CHCHD3: variants seen among roughly 807,000 people sequenced by gnomAD.
CHCHD3 encodes the protein coiled-coil-helix-coiled-coil-helix domain containing 3.
In CHCHD3, 20 loss-of-function variants were observed where a neutral mutation model predicts 38.2. The ratio of observed to expected loss-of-function variants is 0.52; its 90% CI spans 0.37 to 0.76. The LOEUF is 0.76. Ranked by LOEUF, CHCHD3 falls within the 30% of genes least tolerant of loss-of-function variation. The pLI, the probability that CHCHD3 is intolerant of heterozygous loss-of-function variation, is 0.00. For missense variants in CHCHD3, 245 were observed against 279.2 expected, an observed-to-expected ratio of 0.88 and a Z score of 0.87; for synonymous variants, 82 against 100.0, an observed-to-expected ratio of 0.82 and a Z score of 1.07.
Position 132,862,317 on chromosome 7 carries a change from G to A in CHCHD3, c.453+23345C>T, listed in dbSNP as rs555917455. Among the ~76,000 whole-genome samples the A allele has an allele frequency of 2.0e-5, 3 of 152,292 alleles. No homozygotes were observed. The South Asian group carries it at 6.2e-4, about 32-fold the overall frequency. On this transcript the variant is annotated intron_variant, in intron 5 of 7. Coordinates refer to ENST00000262570, the MANE Select transcript of CHCHD3 (RefSeq NM_017812.4). ...AATACAGGCATACTTTGGAGATACT[G>A]CAGGTTTGGTTTCACACTATCACAA...
At chr7:132,790,110 TCCCCTGCAG>T (rs969349828) in intron 7 of CHCHD3, among the ~76,000 whole-genome samples, 1 of 152,238 alleles carries the variant, frequency 6.6e-6, no homozygotes, top group Non-Finnish European at 1.5e-5. Context: ...ATGTGTCTAT[TCCCCTGCAG>T]CAAGAGCTGT....
intron 3 of CHCHD3, among the ~76,000 whole-genome samples, chr7:132,989,391 G>T (rs1812209856): frequency 7.0e-6 from 1 of 143,672 alleles, no homozygotes; most frequent in Non-Finnish European, 1.6e-5. Flanking sequence ...GCTTCAAAAT[G>T]ATGCAAGAGA....
chr7:133,066,453 C>T (rs1814674544), intron 2 of CHCHD3, among the ~76,000 whole-genome samples: 1 of 152,002 alleles, frequency 6.6e-6, no homozygotes, highest in Non-Finnish European at 1.5e-5. Context: ...TAGGGATTCA[C>T]CATGTTAGGC....
chr7:132,889,293 G>A (rs1290838386), intron 4 of CHCHD3, among the ~76,000 whole-genome samples: 1 of 151,834 alleles, frequency 6.6e-6, no homozygotes, highest in Non-Finnish European at 1.5e-5. Context: ...ACTCATACTA[G>A]GTAATGTTCC....
At position 132,907,499 on chromosome 7, in the gene CHCHD3, C is replaced by T. The variant is rs559135101; in HGVS notation, c.370-21754G>A. 5.3e-5 allele frequency among the ~76,000 whole-genome samples: 8 copies of T among 151,886 alleles called. No individual in the cohort carries two copies. In the South Asian group the frequency reaches 1.0e-3, roughly 20 times the overall value. ...GGGCAGAGATAGGGTCAAAGGCCAT[C>T]GCAAGAAAGGGGACAAGAAACAGAG... On this transcript the variant is annotated intron_variant, in intron 4 of 7. Coordinates refer to ENST00000262570, the MANE Select transcript of CHCHD3 (RefSeq NM_017812.4).
chr7:132,870,510 T>C (rs781632011), intron 5 of CHCHD3, among the ~76,000 whole-genome samples: 2 of 152,118 alleles, frequency 1.3e-5, no homozygotes, highest in Non-Finnish European at 2.9e-5. Flanking sequence ...TGATAACTGA[T>C]ATTTATCCTA....
chr7:132,905,981 T>C (rs1487973091), intron 4 of CHCHD3, among the ~76,000 whole-genome samples: 2 of 152,228 alleles, frequency 1.3e-5, no homozygotes, highest in African/African-American at 4.8e-5. Context: ...AATATTTTGC[T>C]GAAGTGCTGG....
At chr7:132,896,173 A>T (rs1348309289) in intron 4 of CHCHD3, among the ~76,000 whole-genome samples, 1 of 152,244 alleles carries the variant, frequency 6.6e-6, no homozygotes, top group Non-Finnish European at 1.5e-5. Flanking sequence ...ATCATTCCCC[A>T]GTGAGAAAAT....
chr7:132,933,150 C>T (rs1044972858), intron 4 of CHCHD3, among the ~76,000 whole-genome samples: 9 of 152,176 alleles, frequency 5.9e-5, no homozygotes, highest in African/African-American at 2.2e-4. Flanking sequence ...GAACGTTAAA[C>T]AGAACAGTTA....
chr7:132,866,556 A>T (rs1477056507), intron 5 of CHCHD3, among the ~76,000 whole-genome samples: 2 of 152,172 alleles, frequency 1.3e-5, no homozygotes, highest in African/African-American at 2.4e-5. Context: ...AAGGTGTGTA[A>T]AGTCACAGAG....
intron 4 of CHCHD3, among the ~76,000 whole-genome samples, chr7:132,897,254 CACTATCT>C (rs1327540728): frequency 6.6e-6 from 1 of 152,204 alleles, no homozygotes; most frequent in African/African-American, 2.4e-5. Flanking sequence ...AGTTAAACTG[CACTATCT>C]GCACCAAGGT....
intron 6 of CHCHD3, among the ~76,000 whole-genome samples, chr7:132,801,305 C>T (rs904492603): frequency 1.3e-5 from 2 of 152,094 alleles, no homozygotes; most frequent in African/African-American, 2.4e-5. Context: ...TATGCAAGAT[C>T]TGAAAAATTC....
At chr7:132,843,375 T>C (rs1218790032) in intron 5 of CHCHD3, among the ~76,000 whole-genome samples, 1 of 152,196 alleles carries the variant, frequency 6.6e-6, no homozygotes, top group African/African-American at 2.4e-5. Context: ...ACACACTAAA[T>C]TTGTAAACTA....
chr7:132,885,717 A>C lies in CHCHD3; in HGVS notation c.398T>G (p.Val133Gly), dbSNP rs774561008. The change falls in exon 5 of 8, where the codon GTG (valine) becomes GGG (glycine). Residue 133 changes from valine (V) to glycine (G), a missense_variant. Transcript: ENST00000262570. ...GTAGAATGCATCCTGCTTCTTTAGC[A>C]CTCGGTCTTTCTCTTCCAGCTGCCT... Reference protein sequence around the residue: ...LARQLEEKDRVLKKQDAFYKE... With the variant: ...LARQLEEKDRGLKKQDAFYKE... The C allele has an allele frequency of 6.8e-6, 11 of 1,608,876 alleles. No individual in the cohort carries two copies. Among genetic ancestry groups the C allele is most frequent in the Non-Finnish European group, 9.3e-6 (11 of 1,178,276 alleles).
chr7:133,025,556 G>C (rs1454247073), intron 2 of CHCHD3, among the ~76,000 whole-genome samples: 1 of 152,218 alleles, frequency 6.6e-6, no homozygotes. Context: ...CCAGGCTGCA[G>C]TGCAGTGGCA....
At chr7:133,048,045 G>A (rs529003961) in intron 2 of CHCHD3, among the ~76,000 whole-genome samples, 4 of 152,096 alleles carry the variant, frequency 2.6e-5, no homozygotes, top group African/African-American at 7.2e-5. Flanking sequence ...CTGAGATCAC[G>A]CCATTGCACT....
intron 2 of CHCHD3, among the ~76,000 whole-genome samples, chr7:133,038,673 G>T (rs1813745450): frequency 6.6e-6 from 1 of 152,190 alleles, no homozygotes; most frequent in East Asian, 1.9e-4. Context: ...AGCTAAGTCA[G>T]ATATAAGGAA....
intron 3 of CHCHD3, among the ~76,000 whole-genome samples, chr7:133,022,924 CAAA>C (rs11313866): frequency 9.2e-6 from 1 of 108,460 alleles, no homozygotes; most frequent in Non-Finnish European, 1.9e-5. Context: ...AAGGGAAGAC[CAAA>C]AAAAAAAAAA....
intron 5 of CHCHD3, among the ~76,000 whole-genome samples, chr7:132,847,998 G>A (rs4731913): frequency 0.53 from 79,986 of 152,044 alleles, 21,164 homozygotes; most frequent in South Asian, 0.59. Context: ...TTGCCTGTCC[G>A]TTCAAGGATG....
Sources: allele counts gnomAD v4.1 joint callset (sites outside exome capture counted in the v4.1 genomes callset), GRCh38; gene constraint gnomAD v4.1.1; transcripts MANE v1.5; gene names NCBI Gene and HGNC (gene_info 2026-07-23, HGNC 2026-07-21).